The following MTAP variants were observed in gnomAD, a reference collection of about 807,000 sequenced individuals.
MTAP encodes the protein S-methyl-5'-thioadenosine phosphorylase.
Under a neutral mutation model 33.6 loss-of-function variants are expected in MTAP, and 33 were observed. The observed-to-expected ratio is 0.98, with a 90% confidence interval of 0.74 to 1.31. MTAP has a LOEUF of 1.31. Ranked by LOEUF, MTAP falls within the 40% of genes most tolerant of loss-of-function variation. MTAP has a pLI of 0.00. For missense variants in MTAP, 367 were observed against 360.0 expected (o/e 1.02, Z -0.16); for synonymous variants, 148 against 125.7 (o/e 1.18, Z -1.19).
chr9:21,896,713 A>C (rs1818300248), intron 1 of MTAP, among the ~76,000 whole-genome samples: 1 of 152,186 alleles, frequency 6.6e-6, no homozygotes. Flanking sequence ...TAGACCAATA[A>C]CAGGTTCTGA....
At chr9:21,901,605 G>C (rs920793542) in intron 1 of MTAP, among the ~76,000 whole-genome samples, 9 of 152,086 alleles carry the variant, frequency 5.9e-5, no homozygotes, top group African/African-American at 2.2e-4. Context: ...GGGAATAAAG[G>C]ACTAGGGAGG....
chr9:21,818,317 C>CTTTTTTTTTTTTTTTTTTTTTTT lies in MTAP; in HGVS notation c.347+120_347+142dup, dbSNP rs35709813. ...GAGGGCAGTGCCACAGACTCGCTTGCTTTTTTTTTTTTTTTTTTTTTTTTT... is the reference window on the plus strand; with the variant it reads ...GAGGGCAGTGCCACAGACTCGCTTGCTTTTTTTTTTTTTTTTTTTTTTTTTTTTTTTTTTTTTTTTTTTTTTTT... On this transcript the variant is annotated intron_variant, in intron 4 of 7. Coordinates refer to ENST00000644715, the MANE Select transcript of MTAP (RefSeq NM_002451.4). 5.8e-5 allele frequency: 12 copies of CTTTTTTTTTTTTTTTTTTTTTTT among 206,102 alleles called. 5 individuals are homozygous for CTTTTTTTTTTTTTTTTTTTTTTT. Among genetic ancestry groups the CTTTTTTTTTTTTTTTTTTTTTTT allele is most frequent in the African/African-American group, 1.7e-4 (4 of 23,498 alleles). The allele number at this position is 206,102 out of a possible 1,614,324, so 12.8% of individuals were successfully genotyped here. A position where few individuals can be genotyped will look rare whatever the true frequency, so the allele number is the denominator to read the frequency against.
At chr9:21,906,070 T>C (rs113661305) in intron 1 of MTAP, among the ~76,000 whole-genome samples, 32 of 152,190 alleles carry the variant, frequency 2.1e-4, no homozygotes, top group African/African-American at 7.7e-4. Flanking sequence ...AAGCAAAACA[T>C]TTCTAAAGAA....
At position 21,864,843 on chromosome 9, in the gene MTAP, G is replaced by A. The variant is rs2118603944; in HGVS notation, c.*2829G>A. On this transcript the variant is annotated 3_prime_UTR_variant, in exon 8 of 8. Transcript: ENST00000644715. ...CTGGCATCCACAGGATGCTCCTGGAGCCTCTTCTCTGGCTGCTACCTCAGG... is the reference window on the plus strand; with the variant it reads ...CTGGCATCCACAGGATGCTCCTGGAACCTCTTCTCTGGCTGCTACCTCAGG... 2.0e-6 allele frequency: 2 copies of A among 985,476 alleles called. No homozygotes were observed. The highest frequency in any genetic ancestry group is 2.4e-6 in the Non-Finnish European group (2 of 829,950). The allele number at this position is 985,476 out of a possible 1,614,324, so 61.0% of individuals were successfully genotyped here.
intron 4 of MTAP, among the ~76,000 whole-genome samples, chr9:21,820,008 CTTTG>C (rs1446255205): frequency 2.6e-5 from 4 of 151,794 alleles, no homozygotes; most frequent in African/African-American, 4.8e-5. Flanking sequence ...TTTCTTGTAA[CTTTG>C]TTTGAGTTCT....
At chr9:21,803,210 G>A in intron 1 of MTAP, 1 of 350,882 alleles carries the variant, frequency 2.8e-6, no homozygotes, top group Non-Finnish European at 5.1e-6. Flanking sequence ...TGCAGCTTCT[G>A]TGACCGTCTC....
At chr9:21,813,746 A>C (rs958262872) in intron 1 of MTAP, 1 of 152,214 alleles carries the variant, frequency 6.6e-6, no homozygotes, top group Non-Finnish European at 1.5e-5. Context: ...CAGAGTCAGC[A>C]GTTCATATCT....
At chr9:21,853,723 T>A (rs1825569659) in intron 5 of MTAP, among the ~76,000 whole-genome samples, 1 of 152,218 alleles carries the variant, frequency 6.6e-6, no homozygotes, top group African/African-American at 2.4e-5. Flanking sequence ...GGCATGCTTC[T>A]ATGCTTGTAT....
chr9:21,900,674 C>G (rs141155673), intron 1 of MTAP, among the ~76,000 whole-genome samples: 4,086 of 152,178 alleles, frequency 0.027, 192 homozygotes, highest in African/African-American at 0.093. Flanking sequence ...GGGTATATAC[C>G]CAAACGAATA....
chr9:21,905,417 A>C (rs186338460), intron 1 of MTAP, among the ~76,000 whole-genome samples: 139 of 152,196 alleles, frequency 9.1e-4, no homozygotes, highest in African/African-American at 3.2e-3. Flanking sequence ...GTTTAAACAT[A>C]AGGCAATAAA....
downstream of MTAP, among the ~76,000 whole-genome samples, chr9:21,867,750 G>A (rs533306338): frequency 1.3e-5 from 2 of 151,886 alleles, no homozygotes; most frequent in East Asian, 3.9e-4. Flanking sequence ...TACAGAATTT[G>A]TTAACCAAAA....
chr9:21,874,938 T>C (rs2118665510), intron 1 of MTAP, among the ~76,000 whole-genome samples: 1 of 152,250 alleles, frequency 6.6e-6, no homozygotes, highest in African/African-American at 2.4e-5. Context: ...AGTGAGAACA[T>C]GCAGTGTTTG....
At chr9:21,818,466 TAC>T (rs1424233907) in intron 4 of MTAP, among the ~76,000 whole-genome samples, 1 of 151,752 alleles carries the variant, frequency 6.6e-6, no homozygotes, top group Non-Finnish European at 1.5e-5. Context: ...TAGCTGGGAC[TAC>T]AGGCACATGC....
chr9:21,833,299 C>T (rs1825019112), intron 4 of MTAP, among the ~76,000 whole-genome samples: 1 of 152,194 alleles, frequency 6.6e-6, no homozygotes. Context: ...CTTGCCACCT[C>T]AGCCCCCCAA....
intron 1 of MTAP, among the ~76,000 whole-genome samples, chr9:21,915,005 TTCCTTCCTTC>T (rs1818654935): frequency 1.6e-4 from 2 of 12,434 alleles, no homozygotes; most frequent in African/African-American, 6.8e-4. Flanking sequence ...TTTTCTTTCC[TTCCTTCCTTC>T]CTTCCTTCCT....
Position 21,818,050 on chromosome 9 carries a change from C to A in MTAP, c.195C>A (p.His65Gln), listed in dbSNP as rs772871851. Reference sequence around the variant, plus strand: ...CCTTCCATAGGCATGGAAGGCAGCACACCATCATGCCTTCAAAGGTCAACT... The same window carrying A: ...CCTTCCATAGGCATGGAAGGCAGCAAACCATCATGCCTTCAAAGGTCAACT... ...CVLLARHGRQHTIMPSKVNYQ... is the reference protein window; with the variant it reads ...CVLLARHGRQQTIMPSKVNYQ... Residue 65 changes from histidine to glutamine, a missense_variant, in exon 4 of 8, where the codon CAC becomes CAA. His to Gln is a conservative substitution (Grantham distance 24). Transcript: ENST00000644715. 1.2e-6 allele frequency: 2 copies of A among 1,612,076 alleles called. No homozygotes were observed. Among genetic ancestry groups the A allele is most frequent in the Non-Finnish European group, 1.7e-6 (2 of 1,179,298 alleles).
At chr9:21,868,203 G>C (rs1404877114), downstream of MTAP, among the ~76,000 whole-genome samples, 83 of 152,248 alleles carry the variant, frequency 5.5e-4, no homozygotes, top group Non-Finnish European at 4.4e-5. Flanking sequence ...TATATTTTAA[G>C]GAATGGATAC....
chr9:21,859,299 C>A lies in MTAP; in HGVS notation c.691-4C>A. ...AGTAACCTCCAGTGCTATTGTTTCT[C>A]TAGGTTTCGGTGGACCGGGTCTTAA... On this transcript the variant is annotated splice_region_variant and splice_polypyrimidine_tract_variant and intron_variant, in intron 6 of 7. Transcript: ENST00000644715. The A allele has an allele frequency of 6.2e-7, 1 of 1,604,456 alleles. No homozygotes were observed. The highest frequency in any genetic ancestry group is 1.1e-5 in the South Asian group (1 of 89,330).
chr9:21,860,615 GAAA>G (rs1825734509), intron 7 of MTAP: 1 of 152,116 alleles, frequency 6.6e-6, no homozygotes, highest in South Asian at 2.1e-4. Context: ...AATTAAAAGG[GAAA>G]AAATACATTT....
Sources: gnomAD v4.1 joint callset for allele counts (sites outside exome capture counted in the v4.1 genomes callset) on GRCh38, gnomAD v4.1.1 for gene constraint, MANE v1.5 for transcripts, NCBI Gene and HGNC (gene_info 2026-07-23, HGNC 2026-07-21) for gene names.